PRKACB: variants seen among roughly 807,000 people sequenced by gnomAD.
The protein encoded by PRKACB is cAMP-dependent protein kinase catalytic subunit beta.
A neutral mutation model predicts 51.4 loss-of-function variants in PRKACB; 16 were observed. That is an observed-to-expected ratio of 0.31 (90% CI 0.21 to 0.47). PRKACB has a LOEUF of 0.47. Among genes scored for constraint, PRKACB ranks in the 20% least tolerant of loss-of-function variants. PRKACB has a pLI of 1.00. For missense variants in PRKACB, 309 were observed against 464.5 expected, an observed-to-expected ratio of 0.67 and a Z score of 3.08; for synonymous variants, 147 against 154.4, an observed-to-expected ratio of 0.95 and a Z score of 0.35.
At chr1:84,206,655 C>G (rs1276233175) in intron 8 of PRKACB, among the ~76,000 whole-genome samples, 2 of 152,156 alleles carry the variant, frequency 1.3e-5, no homozygotes, top group South Asian at 4.1e-4. Flanking sequence ...GGGGGTTGGT[C>G]ACATATGCAC....
At chr1:84,131,918 T>C (rs985348128) in intron 1 of PRKACB, among the ~76,000 whole-genome samples, 1 of 152,202 alleles carries the variant, frequency 6.6e-6, no homozygotes, top group Non-Finnish European at 1.5e-5. Context: ...CTGGAAAAGG[T>C]CCCCTCGTAG....
At chr1:84,123,339 G>A (rs1651254220) in intron 1 of PRKACB, among the ~76,000 whole-genome samples, 1 of 152,124 alleles carries the variant, frequency 6.6e-6, no homozygotes, top group South Asian at 2.1e-4. Flanking sequence ...TCATAAGAAA[G>A]TTACTTGGAG....
intron 1 of PRKACB, among the ~76,000 whole-genome samples, chr1:84,119,694 C>T (rs547911005): frequency 5.3e-5 from 8 of 152,116 alleles, no homozygotes; most frequent in Admixed American, 5.2e-4. Flanking sequence ...TGTAAAATTC[C>T]TGGGGAAAGG....
chr1:84,141,748 A>T (rs1483411247), upstream of PRKACB, among the ~76,000 whole-genome samples: 1 of 152,140 alleles, frequency 6.6e-6, no homozygotes, highest in Non-Finnish European at 1.5e-5. Context: ...GTTAAAAATG[A>T]ATACGGTCCA....
chr1:84,141,778 T>A (rs775891851), upstream of PRKACB, among the ~76,000 whole-genome samples: 11 of 152,102 alleles, frequency 7.2e-5, no homozygotes, highest in African/African-American at 1.2e-4. Flanking sequence ...TTACGATTAG[T>A]TTGTGTATTT....
intron 5 of PRKACB, among the ~76,000 whole-genome samples, chr1:84,187,933 T>A (rs943594701): frequency 2.0e-5 from 3 of 152,182 alleles, no homozygotes; most frequent in African/African-American, 7.2e-5. Context: ...AAGTCAGGCA[T>A]TTTATGCACT....
chr1:84,105,447 T>C (rs1287429180), intron 1 of PRKACB, among the ~76,000 whole-genome samples: 1 of 152,146 alleles, frequency 6.6e-6, no homozygotes, highest in African/African-American at 2.4e-5. Context: ...ATTAAGAAGG[T>C]GAAAATTTTC....
chr1:84,170,332 A>T (rs1210952378), intron 1 of PRKACB, among the ~76,000 whole-genome samples: 2 of 151,684 alleles, frequency 1.3e-5, no homozygotes, highest in East Asian at 3.9e-4. Flanking sequence ...CTCCACTGAC[A>T]AAAGGAGAAA....
chr1:84,148,009 C>G (rs1417176221), intron 1 of PRKACB, among the ~76,000 whole-genome samples: 1 of 152,090 alleles, frequency 6.6e-6, no homozygotes, highest in Admixed American at 6.5e-5. Context: ...GATAAGTTAA[C>G]TTACTTTACT....
intron 1 of PRKACB, among the ~76,000 whole-genome samples, chr1:84,083,814 T>A (rs1647743001): frequency 6.6e-6 from 1 of 152,246 alleles, no homozygotes; most frequent in South Asian, 2.1e-4. Context: ...TTTGGGTATT[T>A]AATCTTACTT....
At chr1:84,115,742 C>T (rs935213568) in intron 1 of PRKACB, among the ~76,000 whole-genome samples, 11 of 151,562 alleles carry the variant, frequency 7.3e-5, no homozygotes, top group Non-Finnish European at 1.2e-4. Context: ...ATTAGCTGGG[C>T]GTGGTGGTGC....
At position 84,197,788 on chromosome 1, in the gene PRKACB, T is replaced by C; in HGVS notation, c.747T>C (p.Thr249=). The part of the protein sequence containing the change: ...VKGRTWTLCG[T]PEYLAPEIIL... ...GCAGAACTTGGACATTATGTGGAAC[T>C]CCAGAGTATTTGGCTCCAGAAATAA... The change falls in exon 7 of 10, where the codon ACT becomes ACC. Residue 249 remains threonine (T), a synonymous_variant. Coordinates refer to ENST00000370685, the MANE Select transcript of PRKACB (RefSeq NM_182948.4). 6.2e-7 allele frequency: 1 copy of C among 1,611,780 alleles called. No individual in the cohort carries two copies. The highest frequency in any genetic ancestry group is 1.1e-5 in the South Asian group (1 of 90,960).
chr1:84,101,568 T>G (rs989148376), intron 1 of PRKACB, among the ~76,000 whole-genome samples: 17 of 152,208 alleles, frequency 1.1e-4, no homozygotes, highest in African/African-American at 4.1e-4. Context: ...CTCATTCTTA[T>G]CACCTCCTCA....
At chr1:84,142,593 T>A (rs1200091350), upstream of PRKACB, among the ~76,000 whole-genome samples, 1 of 152,216 alleles carries the variant, frequency 6.6e-6, no homozygotes, top group East Asian at 1.9e-4. Context: ...TTTAGATTGA[T>A]AAAAATTTTA....
At chr1:84,119,478 C>T (rs1571654065) in intron 1 of PRKACB, among the ~76,000 whole-genome samples, 3 of 152,120 alleles carry the variant, frequency 2.0e-5, no homozygotes, top group Admixed American at 2.0e-4. Context: ...CAAAGAATGG[C>T]AATTACACTA....
intron 7 of PRKACB, among the ~76,000 whole-genome samples, chr1:84,199,058 TG>T (rs1408461058): frequency 1.9e-5 from 1 of 51,596 alleles, no homozygotes; most frequent in Non-Finnish European, 7.4e-5. Context: ...CATATATATA[TG>T]CGTATATATG....
intron 1 of PRKACB, among the ~76,000 whole-genome samples, chr1:84,157,128 C>A (rs1325711832): frequency 1.3e-5 from 2 of 152,108 alleles, no homozygotes; most frequent in Admixed American, 1.3e-4. Context: ...AGGAGTTGAT[C>A]CCTTTCAGAA....
At chr1:84,208,249 T>A (rs1671630503) in intron 8 of PRKACB, among the ~76,000 whole-genome samples, 2 of 152,224 alleles carry the variant, frequency 1.3e-5, no homozygotes, top group South Asian at 4.1e-4. Flanking sequence ...TCTTGAACTT[T>A]TAGAAGATAA....
chr1:84,204,724 T>G, intron 8 of PRKACB: 1 of 935,096 alleles, frequency 1.1e-6, no homozygotes, highest in Non-Finnish European at 1.4e-6. Flanking sequence ...ATTATAAAGT[T>G]CTTGAATCTT....
Sources: gnomAD v4.1 joint callset for allele counts (sites outside exome capture counted in the v4.1 genomes callset) on GRCh38, gnomAD v4.1.1 for gene constraint, MANE v1.5 for transcripts, NCBI Gene and HGNC (gene_info 2026-07-23, HGNC 2026-07-21) for gene names.